The following FAM237A variants were observed in gnomAD, a reference collection of about 807,000 sequenced individuals.
FAM237A encodes the protein protein FAM237A.
In FAM237A, 14 loss-of-function variants were observed where a neutral mutation model predicts 12.5. The observed-to-expected ratio is 1.12, with a 90% CI of 0.74 to 1.75. FAM237A has a LOEUF of 1.75. Among genes scored for constraint, FAM237A ranks in the 40% most tolerant of loss-of-function variants. The pLI is 0.00. For synonymous variants in FAM237A, 85 were observed against 77.5 expected (o/e 1.10, Z -0.51); for missense variants, 240 against 211.7 (o/e 1.13, Z -0.83).
intron 2 of FAM237A, 101 bp downstream of exon 2, chr2:206,644,749 A>G (rs1699296551): frequency 1.7e-6 from 2 of 1,175,746 alleles, no homozygotes; most frequent in African/African-American, 1.6e-5. Context: ...ATCCAGTGTC[A>G]TATATATTCC....
Position 206,647,666 on chromosome 2 carries a change from CAG to C in FAM237A, c.413-988_413-987del, listed in dbSNP as rs371773298. 6.3e-3 allele frequency among the ~76,000 whole-genome samples: 932 copies of C among 148,270 alleles called. 3 individuals carry two copies. Among genetic ancestry groups the C allele is most frequent in the Middle Eastern group, 0.01 (3 of 286 alleles). On this transcript the variant is annotated intron_variant, in intron 2 of 2. Transcript: ENST00000441223. ...ACACACACACACACACACACACACA[CAG>C]AGAGAGTGTGTGTTAGGGAAAGAGC...
rs1419434826 is a variant in FAM237A, at chr2:206,642,799, C to G, written c.-11+217C>G. Among the ~76,000 whole-genome samples, 1 of 152,218 alleles carries G rather than the reference C, an allele frequency of 6.6e-6. No individual in the cohort carries two copies. The highest frequency in any genetic ancestry group is 1.5e-5 in the Non-Finnish European group (1 of 68,040). Reference sequence around the variant, plus strand: ...GACCTAAAGGAGCCAATTTGAGCGCCGTGGCGCCAGCAGACAGGGAGTCCC... The same window carrying G: ...GACCTAAAGGAGCCAATTTGAGCGCGGTGGCGCCAGCAGACAGGGAGTCCC... On this transcript the variant is annotated intron_variant, in intron 1 of 2. Coordinates refer to ENST00000441223, the MANE Select transcript of FAM237A (RefSeq NM_001102659.3). This position sits in a 1 kb window ranked among gnomAD's most constrained non-coding sequence, Gnocchi z 5.1.
intron 1 of FAM237A, among the ~76,000 whole-genome samples, chr2:206,643,122 G>A (rs930477519): frequency 6.6e-6 from 1 of 152,180 alleles, no homozygotes; most frequent in African/African-American, 2.4e-5. Context: ...CTGTTCAGAA[G>A]AGACAGATTA....
intron 2 of FAM237A, among the ~76,000 whole-genome samples, chr2:206,645,726 C>CA (rs1448000061): frequency 3.3e-5 from 5 of 151,860 alleles, no homozygotes; most frequent in Non-Finnish European, 7.4e-5. Context: ...TTTGCTAATC[C>CA]AAAAAACCCA....
At position 206,648,721 on chromosome 2, in the gene FAM237A, T is replaced by C. The variant is rs1184851003; in HGVS notation, c.473T>C (p.Leu158Ser). The stretch of plus-strand genomic sequence containing the variant: ...AAGAAGAAAGAGTTGATTGAAGATT[T>C]GATAAGCATGCATGTGCGTAGGAGT... ...FLKKKELIEDLISMHVRRSGS... is the reference protein window; with the variant it reads ...FLKKKELIEDSISMHVRRSGS... Residue 158 changes from leucine (L) to serine (S), a missense_variant, in exon 3 of 3, where the codon TTG becomes TCG. Physicochemically the swap from Leu to Ser is moderately radical, Grantham distance 145. Transcript: ENST00000441223. The C allele has an allele frequency of 1.9e-6, 3 of 1,583,968 alleles. No individual in the cohort carries two copies. The highest frequency in any genetic ancestry group is 2.3e-5 in the South Asian group (2 of 86,688).
In FAM237A at chr2:206,648,982, A is replaced by T. The variant is rs1228681341; in HGVS notation, c.*188A>T. The T allele has an allele frequency of 3.0e-6, 1 of 329,494 alleles. No homozygotes were observed. 20.4% of individuals were successfully genotyped at this position (329,494 alleles called of 1,614,324 possible). ...TATTTATTTATTTTAGGCTGCTAGC[A>T]TGTTTCTTCTAATGGTGACATTACT... On this transcript the variant is annotated 3_prime_UTR_variant, in exon 3 of 3. Transcript: ENST00000441223.
rs1028344480 is a variant in FAM237A at position 206,644,263 on chromosome 2, G to A, written c.27G>A (p.Gly9=). The A allele has an allele frequency of 2.5e-6, 4 of 1,607,594 alleles. No individual in the cohort carries two copies. The highest frequency in any genetic ancestry group is 1.7e-4 in the Middle Eastern group (1 of 6,032). MADPGNRG[G]IHRPLSFTCS... ...TGGCTGATCCTGGGAACAGAGGAGG[G>A]ATCCACCGCCCCTTGAGCTTCACCT... is the stretch of plus-strand genomic sequence containing the variant. The change falls in exon 2 of 3, where the codon GGG becomes GGA. Residue 9 remains glycine (G), a synonymous_variant. Transcript: ENST00000441223.
intron 2 of FAM237A, among the ~76,000 whole-genome samples, chr2:206,647,624 G>GACACAC (rs1167948240): frequency 9.7e-6 from 1 of 102,622 alleles, no homozygotes; most frequent in African/African-American, 3.6e-5. Context: ...GGGTGAGAGA[G>GACACAC]ACACACAGAC....
At chr2:206,646,578 G>A (rs918503184) in intron 2 of FAM237A, among the ~76,000 whole-genome samples, 1 of 152,154 alleles carries the variant, frequency 6.6e-6, no homozygotes, top group African/African-American at 2.4e-5. Flanking sequence ...TATGCAAGTA[G>A]CCAAATAGCA....
chr2:206,646,989 T>A (rs1169790425), intron 2 of FAM237A, among the ~76,000 whole-genome samples: 1 of 152,210 alleles, frequency 6.6e-6, no homozygotes, highest in Non-Finnish European at 1.5e-5. Flanking sequence ...TGCAAAAAGT[T>A]CTTGTTATTT....
At position 206,644,634 on chromosome 2, in the gene FAM237A, CA is replaced by C; in HGVS notation, c.400del (p.Arg134GlyfsTer11). 1 of 1,581,674 alleles carries C rather than the reference CA, an allele frequency of 6.3e-7. No individual in the cohort carries two copies. Among genetic ancestry groups the C allele is most frequent in the Non-Finnish European group, 8.6e-7 (1 of 1,166,148 alleles). On this transcript the variant is annotated frameshift_variant, in exon 2 of 3. Transcript: ENST00000441223. LOFTEE classifies it high-confidence loss of function. ...ATCTCAGCAGCGCAGCCACAGCACA[CA>C]AGGAGTAAACAAGGTGGTCAACCCC... ...EKISAAQPQHTRSKQGTYSQL... is the reference protein window; with the variant it reads ...EKISAAQPQHXRSKQGTYSQL...
intron 2 of FAM237A, among the ~76,000 whole-genome samples, chr2:206,646,484 C>T (rs1699319153): frequency 6.6e-6 from 1 of 152,168 alleles, no homozygotes. Flanking sequence ...TTCTCCGAGA[C>T]AGCTTCAGCT....
chr2:206,645,103 A>C (rs375293226), intron 2 of FAM237A, among the ~76,000 whole-genome samples: 1 of 152,370 alleles, frequency 6.6e-6, no homozygotes, highest in East Asian at 1.9e-4. Context: ...ACTGAAAATA[A>C]ATATTGCTTT....
intron 2 of FAM237A, among the ~76,000 whole-genome samples, chr2:206,647,252 T>G (rs1385485027): frequency 6.6e-6 from 1 of 152,202 alleles, no homozygotes; most frequent in African/African-American, 2.4e-5. Flanking sequence ...AAGTCTCATC[T>G]TTTCTGTTCC....
At position 206,644,301 on chromosome 2, in the gene FAM237A, T is replaced by C. The variant is rs780137216; in HGVS notation, c.65T>C (p.Ile22Thr). The change falls in exon 2 of 3, where the codon ATT becomes ACT. Residue 22 changes from isoleucine to threonine, a missense_variant. Transcript: ENST00000441223. ...RPLSFTCSLL[I>T]VGMCCVSPFF... ...TTGAGCTTCACCTGCTCCCTGCTCA[T>C]TGTGGGAATGTGCTGTGTATCTCCT... 3 of 1,613,350 alleles carry C rather than the reference T, an allele frequency of 1.9e-6. No individual in the cohort carries two copies. The African/African-American group carries it at 4.0e-5, about 22-fold the overall frequency.
At chr2:206,644,732 T>G in intron 2 of FAM237A, 84 bp downstream of exon 2, 3 of 1,299,394 alleles carry the variant, frequency 2.3e-6, no homozygotes, top group Non-Finnish European at 3.1e-6. Flanking sequence ...GAAATGGCAT[T>G]AGGGGAATCC....
At chr2:206,647,254 T>G (rs1379876641) in intron 2 of FAM237A, among the ~76,000 whole-genome samples, 1 of 152,212 alleles carries the variant, frequency 6.6e-6, no homozygotes, top group East Asian at 1.9e-4. Context: ...GTCTCATCTT[T>G]TCTGTTCCAA....
At chr2:206,643,195 G>C (rs1699275411) in intron 1 of FAM237A, among the ~76,000 whole-genome samples, 1 of 152,056 alleles carries the variant, frequency 6.6e-6, no homozygotes, top group Admixed American at 6.6e-5. Flanking sequence ...GCTGTATTTT[G>C]CTTGCTTTCA....
Position 206,644,280 on chromosome 2 carries a change from G to T in FAM237A, c.44G>T (p.Ser15Ile), listed in dbSNP as rs1447796353. The change falls in exon 2 of 3, where the codon AGC becomes ATC. Residue 15 changes from serine (S) to isoleucine (I), a missense_variant. Coordinates refer to ENST00000441223, the MANE Select transcript of FAM237A (RefSeq NM_001102659.3). ...GNRGGIHRPL[S>I]FTCSLLIVGM... ...AGAGGAGGGATCCACCGCCCCTTGAGCTTCACCTGCTCCCTGCTCATTGTG... is the reference window on the plus strand; with the variant it reads ...AGAGGAGGGATCCACCGCCCCTTGATCTTCACCTGCTCCCTGCTCATTGTG... 1.2e-6 allele frequency: 2 copies of T among 1,612,056 alleles called. No individual in the cohort carries two copies. The highest frequency in any genetic ancestry group is 4.5e-5 in the East Asian group (2 of 44,890).
Sources: gnomAD v4.1 joint callset for allele counts (sites outside exome capture counted in the v4.1 genomes callset) on GRCh38, gnomAD v4.1.1 for gene constraint, Gnocchi (gnomAD v3.1) non-coding constraint, MANE v1.5 for transcripts, NCBI Gene and HGNC (gene_info 2026-07-23, HGNC 2026-07-21) for gene names.